The following DYRK1A variants were observed in gnomAD, a reference collection of about 807,000 sequenced individuals.
DYRK1A encodes dual specificity tyrosine-phosphorylation-regulated kinase 1A.
Under a neutral mutation model 79.7 loss-of-function variants are expected in DYRK1A, and 9 were observed. The observed-to-expected ratio is 0.11, with a 90% CI of 0.07 to 0.20. DYRK1A has a LOEUF of 0.20. Ranked by LOEUF, DYRK1A falls within the 10% of genes least tolerant of loss-of-function variation. The pLI, the probability that DYRK1A is intolerant of heterozygous loss-of-function variation, is 1.00. For synonymous variants in DYRK1A, 349 were observed against 329.7 expected (o/e 1.06, Z -0.63); for missense variants, 622 against 956.0 (o/e 0.65, Z 4.61).
chr21:37,462,704 C>G (rs1224479790), intron 2 of DYRK1A, among the ~76,000 whole-genome samples: 1 of 152,122 alleles, frequency 6.6e-6, no homozygotes, highest in Non-Finnish European at 1.5e-5. Flanking sequence ...TTGAACTCTT[C>G]CTTCTGTCTC....
chr21:37,368,456 G>C (rs933267810), intron 1 of DYRK1A, among the ~76,000 whole-genome samples: 1 of 152,234 alleles, frequency 6.6e-6, no homozygotes, highest in Non-Finnish European at 1.5e-5. Flanking sequence ...TAGTGAGTCA[G>C]TGACTCTGGT....
chr21:37,424,169 C>T (rs944923532), intron 2 of DYRK1A, among the ~76,000 whole-genome samples: 4 of 152,034 alleles, frequency 2.6e-5, no homozygotes, highest in African/African-American at 9.7e-5. Context: ...TTGTCGTGGT[C>T]GTGTGTGTCT....
At chr21:37,453,232 T>C (rs983408199) in intron 2 of DYRK1A, among the ~76,000 whole-genome samples, 1 of 152,260 alleles carries the variant, frequency 6.6e-6, no homozygotes, top group Admixed American at 6.5e-5. Context: ...TATTTTACAT[T>C]TTATGTTGCT....
At chr21:37,417,534 T>C (rs1310049566) in intron 1 of DYRK1A, among the ~76,000 whole-genome samples, 2 of 84,232 alleles carry the variant, frequency 2.4e-5, no homozygotes, top group African/African-American at 8.8e-5. Context: ...TTTTTCTTTT[T>C]TTTTTTTTTT....
At chr21:37,472,058 T>C (rs2052244320) in intron 2 of DYRK1A, among the ~76,000 whole-genome samples, 1 of 152,200 alleles carries the variant, frequency 6.6e-6, no homozygotes, top group South Asian at 2.1e-4. Context: ...ATTTTTTCTT[T>C]GTGGTGAGCT....
chr21:37,478,377 A>C, intron 4 of DYRK1A, 77 bp downstream of exon 4: 1 of 1,370,540 alleles, frequency 7.3e-7, no homozygotes, highest in African/African-American at 1.5e-5. Flanking sequence ...ATTTACCCTA[A>C]ACTTTTTTTT....
chr21:37,451,061 T>C (rs1406930559), intron 2 of DYRK1A, among the ~76,000 whole-genome samples: 3 of 152,132 alleles, frequency 2.0e-5, no homozygotes, highest in Non-Finnish European at 4.4e-5. Flanking sequence ...GAAAAATGTT[T>C]AAAAAGTAAA....
chr21:37,464,907 G>T (rs1241633528), intron 2 of DYRK1A, among the ~76,000 whole-genome samples: 1 of 152,148 alleles, frequency 6.6e-6, no homozygotes, highest in Non-Finnish European at 1.5e-5. Context: ...ATGAAATCAG[G>T]TTAACTAGAA....
intron 11 of DYRK1A, 21 bp from the exon 12 acceptor site, chr21:37,511,885 ATCCTT>A: frequency 6.3e-7 from 1 of 1,599,180 alleles, no homozygotes; most frequent in Non-Finnish European, 8.5e-7. Context: ...CCTCTGAAAA[ATCCTT>A]TTAAAAATCT....
chr21:37,496,314 T>C (rs2053268080), intron 9 of DYRK1A, 56 bp downstream of exon 9: 5 of 1,528,280 alleles, frequency 3.3e-6, no homozygotes, highest in Non-Finnish European at 4.4e-6. Flanking sequence ...ATCATACCTG[T>C]CTTTTTATAG....
intron 2 of DYRK1A, among the ~76,000 whole-genome samples, chr21:37,469,567 A>G (rs887167055): frequency 6.0e-4 from 92 of 152,338 alleles, no homozygotes; most frequent in African/African-American, 2.1e-3. Flanking sequence ...TACAGGAAGC[A>G]TGAAAGCCTC....
chr21:37,432,998 A>G (rs2050820242), intron 2 of DYRK1A, among the ~76,000 whole-genome samples: 1 of 150,050 alleles, frequency 6.7e-6, no homozygotes, highest in Admixed American at 6.6e-5. Context: ...AAAGTTAATG[A>G]TTAATTGTAT....
At chr21:37,446,146 G>A (rs1328352807) in intron 2 of DYRK1A, among the ~76,000 whole-genome samples, 1 of 152,152 alleles carries the variant, frequency 6.6e-6, no homozygotes, top group East Asian at 1.9e-4. Flanking sequence ...ACCCACACCT[G>A]CTGTCCTTGT....
chr21:37,454,205 A>C (rs932968150), intron 2 of DYRK1A, among the ~76,000 whole-genome samples: 2 of 143,842 alleles, frequency 1.4e-5, no homozygotes, highest in African/African-American at 2.6e-5. Flanking sequence ...CGATTCTCCT[A>C]CCTCAGCCTG....
At chr21:37,418,501 C>T (rs140982775) in intron 1 of DYRK1A, among the ~76,000 whole-genome samples, 10 of 151,894 alleles carry the variant, frequency 6.6e-5, no homozygotes, top group African/African-American at 2.4e-4. Context: ...TCGAAACTGG[C>T]GAGGTGTAAG....
chr21:37,410,077 T>G (rs1043835577), intron 1 of DYRK1A, among the ~76,000 whole-genome samples: 2 of 152,214 alleles, frequency 1.3e-5, no homozygotes, highest in Admixed American at 1.3e-4. Flanking sequence ...AAAACTATTT[T>G]GAAGGCTATA....
At chr21:37,482,090 CTTTT>C (rs1161595743) in intron 5 of DYRK1A, among the ~76,000 whole-genome samples, 3 of 152,120 alleles carry the variant, frequency 2.0e-5, no homozygotes, top group East Asian at 1.9e-4. Flanking sequence ...CCTAAATTGC[CTTTT>C]TTTGTTTTCT....
chr21:37,488,988 G>A, intron 6 of DYRK1A: 1 of 413,878 alleles, frequency 2.4e-6, no homozygotes. Flanking sequence ...TTGTGCTGTA[G>A]ACTCCTATAT....
At chr21:37,452,903 G>A (rs1344246629) in intron 2 of DYRK1A, among the ~76,000 whole-genome samples, 1 of 151,956 alleles carries the variant, frequency 6.6e-6, no homozygotes, top group Non-Finnish European at 1.5e-5. Context: ...CAATAGAAAT[G>A]TAAGCCACTT....
Sources: allele counts gnomAD v4.1 joint callset (sites outside exome capture counted in the v4.1 genomes callset), GRCh38; gene constraint gnomAD v4.1.1; transcripts MANE v1.5; gene names NCBI Gene and HGNC (gene_info 2026-07-23, HGNC 2026-07-21).